Variants in POLQ observed in about 807,000 individuals in gnomAD.
The protein encoded by POLQ is DNA polymerase theta, also known as epididymis secretory sperm binding protein.
POLQ carries 233 observed loss-of-function variants against 259.2 expected under a neutral mutation model. That is an observed-to-expected ratio of 0.90 (90% CI 0.81 to 1.00). POLQ has a LOEUF of 1.00. Ranked by LOEUF, POLQ falls within the 50% of genes least tolerant of loss-of-function variation. The pLI, the probability that POLQ is intolerant of heterozygous loss-of-function variation, is 0.00. For missense variants in POLQ, 2,871 were observed against 3,051.6 expected (o/e 0.94, Z 1.39); for synonymous variants, 1,025 against 1,048.8 (o/e 0.98, Z 0.44).
Position 121,487,724 on chromosome 3 carries a change from G to A in POLQ, c.5207C>T (p.Pro1736Leu). 1 of 1,613,748 alleles carries A rather than the reference G, an allele frequency of 6.2e-7. No homozygotes were observed. The highest frequency in any genetic ancestry group is 8.5e-7 in the Non-Finnish European group (1 of 1,179,726). ...AGCAGATGTTGGAATGGGTGTAGGAGGAATGAGACCATTATCATCAACTAT... is the reference window on the plus strand; with the variant it reads ...AGCAGATGTTGGAATGGGTGTAGGAAGAATGAGACCATTATCATCAACTAT... Reference protein sequence around the residue: ...SNIVDDNGLIPPTPIPTSASK... With the variant: ...SNIVDDNGLILPTPIPTSASK... Residue 1736 changes from proline (P) to leucine (L), a missense_variant, in exon 16 of 30, where the codon CCT becomes CTT. By Grantham distance (98) the Pro-to-Leu change is moderately conservative (BLOSUM62 -3). Coordinates refer to ENST00000264233, the MANE Select transcript of POLQ (RefSeq NM_199420.4).
rs2048259568 is a variant in POLQ at position 121,512,048 on chromosome 3, C to T, written c.1469-19G>A. ...CTCTCGCCTATAACCAAAAGATACA[C>T]ATTTGCAAAATCCCAATATAGTTCC... On this transcript the variant is annotated intron_variant, in intron 9 of 29. Transcript: ENST00000264233. 1.2e-6 allele frequency: 2 copies of T among 1,603,784 alleles called. No individual in the cohort carries two copies. Among genetic ancestry groups the T allele is most frequent in the Non-Finnish European group, 1.7e-6 (2 of 1,174,992 alleles).
chr3:121,536,227 CATAACT>C (rs1246111808), intron 5 of POLQ, among the ~76,000 whole-genome samples: 2 of 152,006 alleles, frequency 1.3e-5, no homozygotes, highest in African/African-American at 4.8e-5. Flanking sequence ...AAAATCATAA[CATAACT>C]ATATTTGAAG....
At chr3:121,483,752 G>A (rs1237501480) in intron 17 of POLQ, among the ~76,000 whole-genome samples, 170 bp from the exon 18 acceptor site, 1 of 152,124 alleles carries the variant, frequency 6.6e-6, no homozygotes, top group Non-Finnish European at 1.5e-5. Flanking sequence ...CAGCTATGTA[G>A]ATGAAGTGCA....
At chr3:121,487,260 T>C in intron 16 of POLQ, 42 bp downstream of exon 16, 1 of 1,032,582 alleles carries the variant, frequency 9.7e-7, no homozygotes, top group Non-Finnish European at 1.4e-6. Flanking sequence ...GTCTACTAAG[T>C]AGTTTATAAA....
Position 121,432,349 on chromosome 3 carries a change from C to T in POLQ, c.7728G>A (p.Val2576=). 1 of 1,608,930 alleles carries T rather than the reference C, an allele frequency of 6.2e-7. No homozygotes were observed. Among genetic ancestry groups the T allele is most frequent in the Non-Finnish European group, 8.5e-7 (1 of 1,177,660 alleles). The part of the protein sequence containing the change: ...VKLSVKLKVK[V]KIGASWGELK... ...GCTCTCCCCAGCTGGCGCCTATTTTCACTTTCACTTTCAATTTCACAGACA... is the reference window on the plus strand; with the variant it reads ...GCTCTCCCCAGCTGGCGCCTATTTTTACTTTCACTTTCAATTTCACAGACA... The change falls in exon 30 of 30, where the codon GTG becomes GTA. Residue 2576 remains valine (V), a synonymous_variant. Coordinates refer to ENST00000264233, the MANE Select transcript of POLQ (RefSeq NM_199420.4).
intron 12 of POLQ, among the ~76,000 whole-genome samples, chr3:121,503,993 C>T (rs1360644711): frequency 1.3e-5 from 2 of 152,208 alleles, no homozygotes; most frequent in Non-Finnish European, 2.9e-5. Flanking sequence ...GCTGGGATTA[C>T]AGGCGAGTGC....
intron 7 of POLQ, among the ~76,000 whole-genome samples, chr3:121,525,939 C>T (rs1488514733): frequency 6.6e-6 from 1 of 152,016 alleles, no homozygotes; most frequent in African/African-American, 2.4e-5. Flanking sequence ...TCGTTCATAC[C>T]TCCACCTTTT....
At chr3:121,459,369 ATT>A (rs58859161) in intron 25 of POLQ, among the ~76,000 whole-genome samples, 10,495 of 104,344 alleles carry the variant, frequency 0.1, 234 homozygotes, top group African/African-American at 0.19. Flanking sequence ...GACTAGAAAG[ATT>A]TTTTTTTTTT....
At position 121,545,902 on chromosome 3, in the gene POLQ, G is replaced by A; in HGVS notation, c.-25C>T. 6.2e-7 allele frequency: 1 copy of A among 1,612,350 alleles called. No individual in the cohort carries two copies. The highest frequency in any genetic ancestry group is 8.5e-7 in the Non-Finnish European group (1 of 1,179,738). ...TGGCAAACTCTTCTCGGCCGATCAG[G>A]GCAAGCCACAGTCCCAGCGTCCTCC... On this transcript the variant is annotated 5_prime_UTR_variant, in exon 1 of 30. Coordinates refer to ENST00000264233, the MANE Select transcript of POLQ (RefSeq NM_199420.4).
In POLQ at chr3:121,544,666, ATAGAG is replaced by A. The variant is rs746970764; in HGVS notation, c.343+56_343+60del. ...TTTTAAACGAACCACAACTACCTCAATAGAGTATTCTTTACATTCATATCTTAAAA... is the reference window on the plus strand; with the variant it reads ...TTTTAAACGAACCACAACTACCTCAATATTCTTTACATTCATATCTTAAAA... On this transcript the variant is annotated intron_variant, in intron 2 of 29. Transcript: ENST00000264233. The A allele has an allele frequency of 4.5e-6, 5 of 1,109,608 alleles. No homozygotes were observed. In the African/African-American group the frequency reaches 4.7e-5, roughly 10 times the overall value. 68.7% of individuals were successfully genotyped at this position (1,109,608 alleles called of 1,614,324 possible).
intron 6 of POLQ, among the ~76,000 whole-genome samples, chr3:121,531,351 C>T (rs953891185): frequency 6.6e-6 from 1 of 152,190 alleles, no homozygotes; most frequent in African/African-American, 2.4e-5. Context: ...GTAAACCACA[C>T]TGATGGCCCT....
At chr3:121,472,890 A>G (rs2047897076) in intron 21 of POLQ, among the ~76,000 whole-genome samples, 1 of 152,134 alleles carries the variant, frequency 6.6e-6, no homozygotes, top group Admixed American at 6.6e-5. Context: ...GTTTCCATGG[A>G]TTATGATTAA....
At chr3:121,529,123 C>T (rs988401358) in intron 7 of POLQ, among the ~76,000 whole-genome samples, 1 of 151,812 alleles carries the variant, frequency 6.6e-6, no homozygotes, top group East Asian at 1.9e-4. Context: ...CAAATTAACA[C>T]AAATCACCAA....
chr3:121,519,972 C>A lies in POLQ; in HGVS notation c.1367G>T (p.Arg456Leu). ...LSSGVNLPAR[R>L]VIIRTPIFGG... ...AAAAATAGGGGTTCGAATAATCACACGACGTGCAGGTAAATTCACCCCAGA... is the reference window on the plus strand; with the variant it reads ...AAAAATAGGGGTTCGAATAATCACAAGACGTGCAGGTAAATTCACCCCAGA... Residue 456 changes from arginine to leucine, a missense_variant, in exon 9 of 30, where the codon CGT becomes CTT. By Grantham distance (102) the Arg-to-Leu change is moderately radical. Transcript: ENST00000264233. 3 of 1,612,030 alleles carry A rather than the reference C, an allele frequency of 1.9e-6. No homozygotes were observed. The highest frequency in any genetic ancestry group is 2.7e-5 in the African/African-American group (2 of 74,968).
intron 19 of POLQ, among the ~76,000 whole-genome samples, chr3:121,477,532 T>C (rs970727955): frequency 6.6e-6 from 1 of 152,188 alleles, no homozygotes; most frequent in South Asian, 2.1e-4. Flanking sequence ...ACTTAACTTA[T>C]ATATTAAAGG....
chr3:121,464,382 A>T (rs564673446), intron 24 of POLQ, among the ~76,000 whole-genome samples: 111 of 152,230 alleles, frequency 7.3e-4, no homozygotes, highest in African/African-American at 2.6e-3. Flanking sequence ...AAAAACAACA[A>T]CAACAACAAC....
At chr3:121,472,512 TG>T (rs2047893868) in intron 21 of POLQ, among the ~76,000 whole-genome samples, 1 of 152,244 alleles carries the variant, frequency 6.6e-6, no homozygotes, top group African/African-American at 2.4e-5. Context: ...CTCACATGAC[TG>T]GAAGTATCCC....
At chr3:121,444,004 G>A (rs1009953854) in intron 26 of POLQ, among the ~76,000 whole-genome samples, 18 of 152,042 alleles carry the variant, frequency 1.2e-4, no homozygotes, top group African/African-American at 3.4e-4. Context: ...AGCATAATTC[G>A]AAGTCAGGTA....
intron 22 of POLQ, among the ~76,000 whole-genome samples, chr3:121,470,683 T>C (rs376084153): frequency 3.9e-5 from 6 of 152,178 alleles, no homozygotes; most frequent in African/African-American, 1.2e-4. Flanking sequence ...CAATCACAGC[T>C]CACTGTAGCC....
Sources: gnomAD v4.1 joint callset for allele counts (sites outside exome capture counted in the v4.1 genomes callset) on GRCh38, gnomAD v4.1.1 for gene constraint, MANE v1.5 for transcripts, NCBI Gene and HGNC (gene_info 2026-07-23, HGNC 2026-07-21) for gene names.